B3GALT5: variants seen among roughly 807,000 people sequenced by gnomAD.
B3GALT5 encodes the protein beta-1,3-galactosyltransferase 5, also known as UDP-Gal:betaGlcNAc beta 1,3-galactosyltransferase, polypeptide 5.
For synonymous variants in B3GALT5, 156 were observed against 158.6 expected, an observed-to-expected ratio of 0.98 and a Z score of 0.12; for missense variants, 328 against 396.6, an observed-to-expected ratio of 0.83 and a Z score of 1.47.
intron 1 of B3GALT5, among the ~76,000 whole-genome samples, chr21:39,624,047 C>T (rs1403481229): frequency 7.9e-5 from 12 of 152,202 alleles, no homozygotes; most frequent in Non-Finnish European, 1.5e-5. Flanking sequence ...AACCTTCCTT[C>T]TCTCTGTGAA....
rs763722665 is a variant in B3GALT5 at position 39,670,928 on chromosome 21, C to T, written c.*9436C>T. The T allele has an allele frequency of 7.2e-5, 11 of 152,180 alleles. No individual in the cohort carries two copies. The highest frequency in any genetic ancestry group is 1.5e-4 in the Non-Finnish European group (10 of 68,036). The allele number at this position is 152,180 out of a possible 1,614,324, so 9.4% of individuals were successfully genotyped here. A position where few individuals can be genotyped will look rare whatever the true frequency, so the allele number is the denominator to read the frequency against. The stretch of plus-strand genomic sequence containing the variant: ...AAGTGTCTTAGTTTGTTTTGTGTTG[C>T]TGTAACAGAATACCACAGACTGGGC... On this transcript the variant is annotated 3_prime_UTR_variant, in exon 4 of 4. Transcript: ENST00000684187.
At chr21:39,634,711 T>C (rs1716025301) in intron 1 of B3GALT5, among the ~76,000 whole-genome samples, 1 of 152,040 alleles carries the variant, frequency 6.6e-6, no homozygotes, top group Admixed American at 6.5e-5. Context: ...GCCAAGCATA[T>C]TGGTTCTCAA....
chr21:39,615,511 A>G (rs937434681), intron 1 of B3GALT5, among the ~76,000 whole-genome samples: 1 of 152,250 alleles, frequency 6.6e-6, no homozygotes, highest in Non-Finnish European at 1.5e-5. Flanking sequence ...CATCGGAGCC[A>G]GAAGTCGTTT....
At position 39,666,161 on chromosome 21, in the gene B3GALT5, A is replaced by G. The variant is rs2079576376; in HGVS notation, c.*4669A>G. On this transcript the variant is annotated 3_prime_UTR_variant, in exon 4 of 4. Coordinates refer to ENST00000684187, the MANE Select transcript of B3GALT5 (RefSeq NM_001356336.2). ...GAAAACCTAGAAATGCTCCACAGCCATGCTCTTCACCCCTTTTCTTCCAAA... is the reference window on the plus strand; with the variant it reads ...GAAAACCTAGAAATGCTCCACAGCCGTGCTCTTCACCCCTTTTCTTCCAAA... The G allele has an allele frequency of 6.6e-6, 1 of 152,328 alleles. No homozygotes were observed. The highest frequency in any genetic ancestry group is 2.4e-5 in the African/African-American group (1 of 41,448). The allele number at this position is 152,328 out of a possible 1,614,324, so 9.4% of individuals were successfully genotyped here.
intron 1 of B3GALT5, among the ~76,000 whole-genome samples, chr21:39,614,643 T>A (rs774486717): frequency 2.6e-5 from 4 of 152,206 alleles, no homozygotes; most frequent in Non-Finnish European, 5.9e-5. Flanking sequence ...CCTTCATCCA[T>A]GCAGCAGAGG....
chr21:39,639,308 T>C (rs918058699), intron 1 of B3GALT5, among the ~76,000 whole-genome samples: 2 of 89,690 alleles, frequency 2.2e-5, no homozygotes, highest in African/African-American at 9.1e-5. Context: ...CTTTCTTTCT[T>C]TCTTTCTTTC....
At position 39,633,257 on chromosome 21, in the gene B3GALT5, A is replaced by G. The variant is rs367817523; in HGVS notation, c.-391-13135A>G. Among the ~76,000 whole-genome samples the G allele has an allele frequency of 1.4e-4, 21 of 152,244 alleles. No homozygotes were observed. In the South Asian group the frequency reaches 2.3e-3, roughly 17 times the overall value. ...TTGGTAACAAGGAAATCATAAAACT[A>G]GGGGTGACTCATCACCACTGTGATG... On this transcript the variant is annotated intron_variant, in intron 1 of 3. Transcript: ENST00000684187.
At chr21:39,656,593 T>G (rs905907309) in intron 2 of B3GALT5, among the ~76,000 whole-genome samples, 2 of 152,308 alleles carry the variant, frequency 1.3e-5, no homozygotes, top group African/African-American at 2.4e-5. Context: ...TCACTCCAGA[T>G]CTCTCCTTTC....
chr21:39,635,299 A>G (rs984295133), intron 1 of B3GALT5, among the ~76,000 whole-genome samples: 4 of 152,120 alleles, frequency 2.6e-5, no homozygotes, highest in Non-Finnish European at 5.9e-5. Context: ...TGAGGGCAAG[A>G]TGTGCCATGG....
chr21:39,623,321 A>G (rs1320744516), intron 1 of B3GALT5, among the ~76,000 whole-genome samples: 1 of 141,502 alleles, frequency 7.1e-6, no homozygotes, highest in Non-Finnish European at 1.5e-5. Context: ...GTAATTTCCT[A>G]TATTTTTGGA....
intron 1 of B3GALT5, among the ~76,000 whole-genome samples, chr21:39,619,514 T>G (rs1383823068): frequency 1.3e-5 from 2 of 152,144 alleles, no homozygotes; most frequent in South Asian, 2.1e-4. Flanking sequence ...ATGTAATAAG[T>G]TTTTATATAT....
intron 2 of B3GALT5, among the ~76,000 whole-genome samples, chr21:39,656,212 G>A (rs2146213260): frequency 6.6e-6 from 1 of 152,308 alleles, no homozygotes; most frequent in South Asian, 2.1e-4. Flanking sequence ...AGACAGCAGG[G>A]ACGTTGATGT....
chr21:39,639,458 T>TCTCTCTC (rs1569212608), intron 1 of B3GALT5, among the ~76,000 whole-genome samples: 7 of 134,182 alleles, frequency 5.2e-5, no homozygotes, highest in African/African-American at 2.1e-4. Flanking sequence ...CTTTCTTTTT[T>TCTCTCTC]TCTTTCTCTC....
chr21:39,669,150 C>T lies in B3GALT5; in HGVS notation c.*7658C>T, dbSNP rs879417640. ...GAACTCTTGGAGAAGTTCTTCTGTT[C>T]GTGACATTCTTCACAATCAGAGCAC... On this transcript the variant is annotated 3_prime_UTR_variant, in exon 4 of 4. Transcript: ENST00000684187. The T allele has an allele frequency of 6.6e-6, 1 of 152,156 alleles. No individual in the cohort carries two copies. The highest frequency in any genetic ancestry group is 1.5e-5 in the Non-Finnish European group (1 of 68,032). 9.4% of individuals were successfully genotyped at this position (152,156 alleles called of 1,614,324 possible).
At position 39,669,320 on chromosome 21, in the gene B3GALT5, A is replaced by T. The variant is rs2146233699; in HGVS notation, c.*7828A>T. On this transcript the variant is annotated 3_prime_UTR_variant, in exon 4 of 4. Transcript: ENST00000684187. ...TACAGTTAGGAAAGCCAAAGCTCAG[A>T]AAAATGGAGTGACTTTGCCAGGTCC... 1 of 152,318 alleles carries T rather than the reference A, an allele frequency of 6.6e-6. No homozygotes were observed. The highest frequency in any genetic ancestry group is 1.5e-5 in the Non-Finnish European group (1 of 68,030). The allele number at this position is 152,318 out of a possible 1,614,324, so 9.4% of individuals were successfully genotyped here.
chr21:39,625,128 A>G (rs1277376962), intron 1 of B3GALT5, among the ~76,000 whole-genome samples: 1 of 152,186 alleles, frequency 6.6e-6, no homozygotes, highest in South Asian at 2.1e-4. Flanking sequence ...CCACTTACAC[A>G]TGTCTAAAGG....
chr21:39,659,681 C>T (rs911176516), intron 2 of B3GALT5, 72 bp from the exon 3 acceptor site: 2 of 880,842 alleles, frequency 2.3e-6, no homozygotes, highest in African/African-American at 1.8e-5. Context: ...ACGCTACAGA[C>T]ACGGTAAATT....
chr21:39,639,420 CTTTCTT>C (rs2079267896), intron 1 of B3GALT5, among the ~76,000 whole-genome samples: 14 of 111,034 alleles, frequency 1.3e-4, no homozygotes, highest in Non-Finnish European at 1.7e-4. Context: ...TTCTTTCTTT[CTTTCTT>C]TCTTTCTTTC....
intron 1 of B3GALT5, among the ~76,000 whole-genome samples, chr21:39,627,267 T>C (rs1161884006): frequency 2.0e-5 from 3 of 152,298 alleles, no homozygotes; most frequent in East Asian, 3.9e-4. Context: ...TGTGATGCCA[T>C]GAAGGGGAAC....
Sources: gnomAD v4.1 joint callset for allele counts (sites outside exome capture counted in the v4.1 genomes callset) on GRCh38, gnomAD v4.1.1 for gene constraint, MANE v1.5 for transcripts, NCBI Gene and HGNC (gene_info 2026-07-23, HGNC 2026-07-21) for gene names.